Variants in MYO1C observed in about 807,000 individuals in gnomAD.
MYO1C encodes the protein unconventional myosin-Ic.
A neutral mutation model predicts 150.8 loss-of-function variants in MYO1C; 104 were observed. The observed-to-expected ratio is 0.69, with a 90% CI of 0.59 to 0.81. The LOEUF (loss-of-function observed/expected upper bound fraction) is 0.81. MYO1C is among the 30% of genes least tolerant of loss of function. MYO1C has a pLI of 0.00. For missense variants in MYO1C, 1,504 were observed against 1,435.0 expected (o/e 1.05, Z -0.78); for synonymous variants, 663 against 579.9 (o/e 1.14, Z -2.06).
intron 1 of MYO1C, chr17:1,492,134 C>G: frequency 2.0e-6 from 1 of 489,668 alleles, no homozygotes; most frequent in Non-Finnish European, 3.8e-6. Context: ...GCAGCCGGCA[C>G]TTGCCTTTTG....
intron 5 of MYO1C, chr17:1,481,300 G>A (rs932179828): frequency 2.4e-5 from 6 of 246,490 alleles, no homozygotes; most frequent in South Asian, 5.3e-5. Flanking sequence ...CAATCAGGCA[G>A]CTCATCCTGC....
chr17:1,474,684 A>G lies in MYO1C; in HGVS notation c.1723T>C (p.Cys575Arg). 1 of 1,614,032 alleles carries G rather than the reference A, an allele frequency of 6.2e-7. No individual in the cohort carries two copies. The highest frequency in any genetic ancestry group is 8.5e-7 in the Non-Finnish European group (1 of 1,179,928). ...LLFRNLKETM[C>R]SSKNPIMSQC... ...CTCATAATGGGATTCTTTGAGCTAC[A>G]CATGGTCTGTGTGGGCAGAGCCGGG... The change falls in exon 17 of 32, where the codon TGT becomes CGT. Residue 575 changes from cysteine to arginine, a missense_variant. By Grantham distance (180) the Cys-to-Arg change is radical. Coordinates refer to ENST00000648651, the MANE Select transcript of MYO1C (RefSeq NM_001080779.2).
rs576067031 is a variant in MYO1C, at chr17:1,477,408, T to C, written c.1574+97A>G. On this transcript the variant is annotated intron_variant, in intron 14 of 31. Coordinates refer to ENST00000648651, the MANE Select transcript of MYO1C (RefSeq NM_001080779.2). ...TCAGCACCGTCCCTGGTCACCTCCT[T>C]GTGGCTGGTGTTTTGTGATGGCGGA... 5.3e-6 allele frequency: 6 copies of C among 1,127,376 alleles called. No individual in the cohort carries two copies. In the South Asian group the frequency reaches 6.3e-5, roughly 12 times the overall value. 69.8% of individuals were successfully genotyped at this position (1,127,376 alleles called of 1,614,324 possible).
Position 1,478,351 on chromosome 17 carries a change from A to C in MYO1C, c.1295+59T>G. ...GGGCAGGAATGAGAGGCTGGAGGAC[A>C]GAAGAGAGGGAGCAGGACAGGAGAC... On this transcript the variant is annotated intron_variant, in intron 11 of 31. Coordinates refer to ENST00000648651, the MANE Select transcript of MYO1C (RefSeq NM_001080779.2). This position sits in a 1 kb window ranked among gnomAD's most constrained non-coding sequence, Gnocchi z 6.3. The C allele has an allele frequency of 1.2e-6, 2 of 1,602,730 alleles. No individual in the cohort carries two copies. The highest frequency in any genetic ancestry group is 1.7e-6 in the Non-Finnish European group (2 of 1,169,684).
intron 3 of MYO1C, 68 bp downstream of exon 3, chr17:1,483,542 A>T: frequency 9.0e-7 from 1 of 1,117,134 alleles, no homozygotes; most frequent in Non-Finnish European, 1.3e-6. Flanking sequence ...AGAGTAAGGT[A>T]AGGGTTGGGC....
In MYO1C at chr17:1,481,696, T is replaced by C. The variant is rs1014822530; in HGVS notation, c.627+782A>G. 1.5e-4 allele frequency among the ~76,000 whole-genome samples: 23 copies of C among 151,774 alleles called. 1 individual carries two copies. Among genetic ancestry groups the C allele is most frequent in the African/African-American group, 5.3e-4 (22 of 41,286 alleles). On this transcript the variant is annotated intron_variant, in intron 5 of 31. Transcript: ENST00000648651. ...TTGTATTTTCAGTAGAGGCAGGGTTTCACCATGTTGGCCAGGCTGGTCTTG... is the reference window on the plus strand; with the variant it reads ...TTGTATTTTCAGTAGAGGCAGGGTTCCACCATGTTGGCCAGGCTGGTCTTG...
Position 1,464,624 on chromosome 17 carries a change from GT to G in MYO1C, c.*1101del. 6.5e-6 allele frequency: 1 copy of G among 152,884 alleles called. No individual in the cohort carries two copies. Among genetic ancestry groups the G allele is most frequent in the Non-Finnish European group, 1.5e-5 (1 of 68,140 alleles). 9.5% of individuals were successfully genotyped at this position (152,884 alleles called of 1,614,324 possible). On this transcript the variant is annotated 3_prime_UTR_variant, in exon 32 of 32. Coordinates refer to ENST00000648651, the MANE Select transcript of MYO1C (RefSeq NM_001080779.2). ...ACGCTGAGGAAGGGCTGCCATCTTG[GT>G]TTTGTGGCAACCTGCCGTATGACCG...
At chr17:1,475,108 G>T in intron 14 of MYO1C, 76 bp from the exon 15 acceptor site, 1 of 1,468,634 alleles carries the variant, frequency 6.8e-7, no homozygotes, top group Non-Finnish European at 9.3e-7. Context: ...AGGGCCTCAG[G>T]AGCAGGAACC....
intron 14 of MYO1C, among the ~76,000 whole-genome samples, chr17:1,475,841 A>AG (rs1200521388): frequency 1.3e-5 from 2 of 152,146 alleles, no homozygotes; most frequent in Non-Finnish European, 2.9e-5. Context: ...TGGGTGAGAG[A>AG]GGGGAGTATC....
chr17:1,484,882 A>ACCCCCCCCCCCC, intron 1 of MYO1C: 1 of 267,224 alleles, frequency 3.7e-6, no homozygotes, highest in Non-Finnish European at 7.1e-6. Flanking sequence ...TCCCACCCAG[A>ACCCCCCCCCCCC]CCCACCCCCA....
In MYO1C at chr17:1,475,013, G is replaced by A. The variant is rs754174814; in HGVS notation, c.1594C>T (p.Arg532Trp). 1.7e-4 allele frequency: 259 copies of A among 1,552,642 alleles called. No individual in the cohort carries two copies. In the Middle Eastern group the frequency reaches 1.9e-3, roughly 11 times the overall value. ...CCTCGGCCCAGAGATTTCCTGGTCC[G>A]CTGGTCAGCCAGCTTGTGCCTGGGG... ...HFLTHKLADQ[R>W]TRKSLGRGEF... Residue 532 changes from arginine (R) to tryptophan (W), a missense_variant, in exon 15 of 32, where the codon CGG becomes TGG. Transcript: ENST00000648651.
chr17:1,479,951 G>A lies in MYO1C; in HGVS notation c.907-246C>T, dbSNP rs1381686414. On this transcript the variant is annotated intron_variant, in intron 7 of 31. Transcript: ENST00000648651. This position sits in a 1 kb window ranked among gnomAD's most constrained non-coding sequence, Gnocchi z 4.2. The stretch of plus-strand genomic sequence containing the variant: ...ATCTGAGGTCAGGAGTTCGAGACCA[G>A]CCCAGCCAACATGGCAAAACCCCAT... 6.6e-6 allele frequency among the ~76,000 whole-genome samples: 1 copy of A among 151,750 alleles called. No homozygotes were observed. Among genetic ancestry groups the A allele is most frequent in the Non-Finnish European group, 1.5e-5 (1 of 67,946 alleles).
rs114221590 is a variant in MYO1C, at chr17:1,484,244, C to T, written c.135G>A (p.Arg45=). Residue 45 remains arginine (R), a synonymous_variant, in exon 2 of 32, where the codon CGG becomes CGA. Coordinates refer to ENST00000648651, the MANE Select transcript of MYO1C (RefSeq NM_001080779.2). ...GCAGCACGAAATCCTGCACCCCCACCCGGTCACGGGCGGTGAGCGCACTCT... is the reference window on the plus strand; with the variant it reads ...GCAGCACGAAATCCTGCACCCCCACTCGGTCACGGGCGGTGAGCGCACTCT... ...TMESALTARD[R]VGVQDFVLLE... 1,960 of 1,612,710 alleles carry T rather than the reference C, an allele frequency of 1.2e-3. 28 individuals carry two copies. The African/African-American group carries it at 0.023, about 19-fold the overall frequency.
At chr17:1,485,607 C>T in intron 1 of MYO1C, 1 of 1,022,592 alleles carries the variant, frequency 9.8e-7, no homozygotes, top group African/African-American at 1.7e-5. Flanking sequence ...TGGGCCGCGC[C>T]CGCTTCCTGG....
Position 1,472,124 on chromosome 17 carries a change from G to A in MYO1C, c.1902C>T (p.Pro634=), listed in dbSNP as rs1598327411. 12 of 1,613,874 alleles carry A rather than the reference G, an allele frequency of 7.4e-6. No individual in the cohort carries two copies. Among genetic ancestry groups the A allele is most frequent in the Non-Finnish European group, 1.0e-5 (12 of 1,179,932 alleles). The change falls in exon 18 of 32, where the codon CCC becomes CCT. Residue 634 remains proline (P), a splice_region_variant and synonymous_variant. Transcript: ENST00000648651. The part of the protein sequence containing the change: ...RCIKPNDAKQ[P]GRFDEVLIRH... Reference sequence around the variant, plus strand: ...AAGTCCCCCGTGGGAGGGGCCTACCGGGCTGTTTGGCATCATTGGGTTTGA... The same window carrying A: ...AAGTCCCCCGTGGGAGGGGCCTACCAGGCTGTTTGGCATCATTGGGTTTGA...
At position 1,480,791 on chromosome 17, in the gene MYO1C, T is replaced by C. The variant is rs2150956645; in HGVS notation, c.722A>G (p.Tyr241Cys). 3.7e-6 allele frequency: 6 copies of C among 1,614,032 alleles called. No individual in the cohort carries two copies. Among genetic ancestry groups the C allele is most frequent in the East Asian group, 4.5e-5 (2 of 44,862 alleles). The change falls in exon 6 of 32, where the codon TAC becomes TGC. Residue 241 changes from tyrosine (Y) to cysteine (C), a missense_variant. Transcript: ENST00000648651. ...NHGERNFHIFYQLLEGGEEET... is the reference protein window; with the variant it reads ...NHGERNFHIFCQLLEGGEEET... Reference sequence around the variant, plus strand: ...CTCCTCGCCCCCCTCCAGCAGCTGGTAGAAGATGTGGAAGTTCCGCTCCCC... The same window carrying C: ...CTCCTCGCCCCCCTCCAGCAGCTGGCAGAAGATGTGGAAGTTCCGCTCCCC...
intron 1 of MYO1C, among the ~76,000 whole-genome samples, chr17:1,488,135 C>T (rs1162733597): frequency 6.6e-6 from 1 of 152,126 alleles, no homozygotes; most frequent in Admixed American, 6.5e-5. Flanking sequence ...CGGGGCGGAG[C>T]TTCGCGGCCG....
At chr17:1,488,865 A>G (rs1469880974) in intron 1 of MYO1C, among the ~76,000 whole-genome samples, 1 of 152,088 alleles carries the variant, frequency 6.6e-6, no homozygotes, top group Admixed American at 6.5e-5. Context: ...CTGGGGAGGC[A>G]TTTACTGGAA....
intron 5 of MYO1C, 91 bp downstream of exon 5, chr17:1,482,387 G>A: frequency 8.6e-7 from 1 of 1,165,682 alleles, no homozygotes; most frequent in African/African-American, 1.5e-5. Context: ...TGGAATTGCA[G>A]CACCTGGAAT....
Sources: gnomAD v4.1 joint callset for allele counts (sites outside exome capture counted in the v4.1 genomes callset) on GRCh38, gnomAD v4.1.1 for gene constraint, Gnocchi (gnomAD v3.1) non-coding constraint, MANE v1.5 for transcripts, NCBI Gene and HGNC (gene_info 2026-07-23, HGNC 2026-07-21) for gene names.